Variants in CLVS1 observed in about 807,000 individuals in gnomAD.
CLVS1 encodes clavesin-1.
A neutral mutation model predicts 33.1 loss-of-function variants in CLVS1; 10 were observed. That is an observed-to-expected ratio of 0.30 (90% confidence interval 0.19 to 0.51). CLVS1 has a LOEUF of 0.51. Ranked by LOEUF, CLVS1 falls within the 20% of genes least tolerant of loss-of-function variation. The probability of loss-of-function intolerance (pLI) is 0.97; values close to 1 mark genes in which losing one functional copy is unlikely to be tolerated. For synonymous variants in CLVS1, 163 were observed against 166.1 expected, an observed-to-expected ratio of 0.98 and a Z score of 0.14; for missense variants, 343 against 433.4, an observed-to-expected ratio of 0.79 and a Z score of 1.85.
intron 4 of CLVS1, among the ~76,000 whole-genome samples, chr8:61,455,180 G>T (rs1285715557): frequency 8.1e-6 from 1 of 123,078 alleles, no homozygotes; most frequent in African/African-American, 4.2e-5. Flanking sequence ...ATTATGATTT[G>T]TGTGTGTGTG....
At chr8:61,022,772 A>C in the CLVS1 span, among the ~76,000 whole-genome samples, 1 of 152,256 alleles carries the variant, frequency 6.6e-6, no homozygotes, top group Non-Finnish European at 1.5e-5. Context: ...AGTTACGCTG[A>C]AAACAATAGA....
intron 2 of CLVS1, among the ~76,000 whole-genome samples, chr8:61,368,770 C>T (rs142893409): frequency 6.6e-6 from 1 of 152,180 alleles, no homozygotes; most frequent in African/African-American, 2.4e-5. Context: ...GTATTCAATA[C>T]ATTATTTCTA....
the CLVS1 span, among the ~76,000 whole-genome samples, chr8:61,038,659 A>G: frequency 0.026 from 3,916 of 152,270 alleles, 76 homozygotes; most frequent in Non-Finnish European, 0.04. Flanking sequence ...AAAAAATGAC[A>G]TCAGTTTTGG....
intron 2 of CLVS1, among the ~76,000 whole-genome samples, chr8:61,359,202 G>T (rs146657431): frequency 6.6e-6 from 1 of 152,232 alleles, no homozygotes; most frequent in Non-Finnish European, 1.5e-5. Flanking sequence ...CAAAGAGTTA[G>T]GTTCCTGTAA....
At chr8:61,349,156 T>C (rs1448055077) in intron 2 of CLVS1, among the ~76,000 whole-genome samples, 1 of 152,160 alleles carries the variant, frequency 6.6e-6, no homozygotes, top group Non-Finnish European at 1.5e-5. Context: ...TTTTCTCCCA[T>C]TCTGTAAGTT....
intron 2 of CLVS1, among the ~76,000 whole-genome samples, chr8:61,144,887 A>G (rs1433674459): frequency 2.0e-5 from 3 of 152,132 alleles, no homozygotes; most frequent in Non-Finnish European, 2.9e-5. Flanking sequence ...CCGCTGCCAC[A>G]CCCAGCTAAT....
At chr8:61,409,131 A>G (rs561094260) in intron 3 of CLVS1, among the ~76,000 whole-genome samples, 11 of 152,354 alleles carry the variant, frequency 7.2e-5, no homozygotes, top group South Asian at 6.2e-4. Context: ...AAAATCAGAC[A>G]TATTTCAATA....
chr8:61,438,244 G>T (rs1331843217), intron 3 of CLVS1, among the ~76,000 whole-genome samples: 1 of 152,088 alleles, frequency 6.6e-6, no homozygotes, highest in East Asian at 1.9e-4. Context: ...TGTTCTCATT[G>T]TTCAGCTCCC....
chr8:61,195,280 G>T (rs756989847), intron 2 of CLVS1, among the ~76,000 whole-genome samples: 7 of 151,884 alleles, frequency 4.6e-5, no homozygotes, highest in Non-Finnish European at 1.0e-4. Flanking sequence ...ATCAGGAAGG[G>T]TGGGAGACAG....
At chr8:60,974,610 T>C in the CLVS1 span, among the ~76,000 whole-genome samples, 1 of 152,164 alleles carries the variant, frequency 6.6e-6, no homozygotes, top group African/African-American at 2.4e-5. Flanking sequence ...GGAGGGACAC[T>C]AAACATGTCA....
chr8:61,189,075 A>T, intron 2 of CLVS1, among the ~76,000 whole-genome samples: 1 of 152,158 alleles, frequency 6.6e-6, no homozygotes, highest in East Asian at 1.9e-4. Flanking sequence ...TAACTGTCAG[A>T]TTCACCAAAG....
chr8:61,142,155 G>A (rs1374859758), intron 2 of CLVS1, among the ~76,000 whole-genome samples: 1 of 152,172 alleles, frequency 6.6e-6, no homozygotes, highest in Non-Finnish European at 1.5e-5. Flanking sequence ...GTGAGGGAGC[G>A]ACGTGGTGGG....
chr8:61,495,960 T>C (rs1804252839), intron 5 of CLVS1, among the ~76,000 whole-genome samples: 1 of 152,166 alleles, frequency 6.6e-6, no homozygotes, highest in Admixed American at 6.5e-5. Context: ...TAAAAGGTAC[T>C]TGTGTCTACT....
intron 5 of CLVS1, among the ~76,000 whole-genome samples, chr8:61,490,976 A>G (rs576938018): frequency 6.6e-6 from 1 of 152,078 alleles, no homozygotes; most frequent in East Asian, 1.9e-4. Context: ...AAAAAAAGAA[A>G]AAAAAAAGAA....
chr8:61,097,764 A>G (rs1023663526), intron 1 of CLVS1, among the ~76,000 whole-genome samples: 1 of 152,158 alleles, frequency 6.6e-6, no homozygotes, highest in East Asian at 1.9e-4. Flanking sequence ...TTTGCAGGCT[A>G]ACGACTATGC....
At chr8:61,132,467 C>T (rs906837589) in intron 2 of CLVS1, among the ~76,000 whole-genome samples, 2 of 152,206 alleles carry the variant, frequency 1.3e-5, no homozygotes, top group Admixed American at 1.3e-4. Flanking sequence ...TGGCTGAATG[C>T]TGAGACTGGC....
In CLVS1 at chr8:61,221,369, G is replaced by A. The variant is rs549817699; in HGVS notation, c.-151-78308G>A. ...TTGAGATATATTCCATCAATACCTA[G>A]TCCATTGAGAGTTTTTAACCTGAAG... On this transcript the variant is annotated intron_variant, in intron 2 of 2. Transcript: ENST00000522621. 8.5e-5 allele frequency among the ~76,000 whole-genome samples: 13 copies of A among 152,256 alleles called. No homozygotes were observed. The East Asian group carries it at 1.4e-3, about 16-fold the overall frequency.
chr8:61,292,140 A>G (rs1012120530), intron 1 of CLVS1: 4 of 283,562 alleles, frequency 1.4e-5, no homozygotes, highest in African/African-American at 8.8e-5. Context: ...TAATATTCTC[A>G]CTTTTACGTC....
intron 2 of CLVS1, among the ~76,000 whole-genome samples, chr8:61,212,700 C>A (rs1807996239): frequency 6.6e-6 from 1 of 152,148 alleles, no homozygotes; most frequent in South Asian, 2.1e-4. Flanking sequence ...TTCCTTAAGG[C>A]CACAGAGCGG....
Sources: allele counts gnomAD v4.1 joint callset (sites outside exome capture counted in the v4.1 genomes callset), GRCh38; gene constraint gnomAD v4.1.1; transcripts MANE v1.5; gene names NCBI Gene and HGNC (gene_info 2026-07-23, HGNC 2026-07-21).